RFX2: variants seen among roughly 807,000 people sequenced by gnomAD.
The protein encoded by RFX2 is regulatory factor X2, also known as DNA-binding protein RFX2.
Under a neutral mutation model 87.8 loss-of-function variants are expected in RFX2, and 20 were observed. The observed-to-expected ratio is 0.23, with a 90% confidence interval of 0.16 to 0.33. The LOEUF (loss-of-function observed/expected upper bound fraction) is 0.33. Among genes scored for constraint, RFX2 ranks in the 10% least tolerant of loss-of-function variants. The pLI is 1.00. For missense variants in RFX2, 767 were observed against 1,012.3 expected (o/e 0.76, Z 3.29); for synonymous variants, 397 against 431.3 (o/e 0.92, Z 0.98).
At chr19:6,082,279 G>A (rs1473488150) in intron 1 of RFX2, among the ~76,000 whole-genome samples, 1 of 126,162 alleles carries the variant, frequency 7.9e-6, no homozygotes, top group Non-Finnish European at 1.6e-5. Flanking sequence ...GGGCAACAGA[G>A]TAAGACCCTG....
At chr19:6,033,047 C>T (rs2086971010) in intron 5 of RFX2, among the ~76,000 whole-genome samples, 1 of 152,204 alleles carries the variant, frequency 6.6e-6, no homozygotes, top group African/African-American at 2.4e-5. Context: ...GCTTCCACCT[C>T]CCAAAGTGCT....
At chr19:6,087,863 G>C (rs2087875627) in intron 1 of RFX2, among the ~76,000 whole-genome samples, 1 of 152,136 alleles carries the variant, frequency 6.6e-6, no homozygotes, top group Non-Finnish European at 1.5e-5. Context: ...TGATACGAAG[G>C]TGATGGGTTA....
Position 6,101,452 on chromosome 19 carries a change from T to C in RFX2, c.-9+8941A>G, listed in dbSNP as rs1220039871. Among the ~76,000 whole-genome samples, 1 of 152,246 alleles carries C rather than the reference T, an allele frequency of 6.6e-6. No homozygotes were observed. The highest frequency in any genetic ancestry group is 1.5e-5 in the Non-Finnish European group (1 of 68,050). On this transcript the variant is annotated intron_variant, in intron 1 of 17. Transcript: ENST00000303657. The surrounding 1 kb of genome is among the most constrained non-coding windows in gnomAD (Gnocchi z 4.9). Reference sequence around the variant, plus strand: ...GCCCGCATACATTTTTGTGGGCTGGTAATTTTTTTGGAAACTGCTTCTAAG... The same window carrying C: ...GCCCGCATACATTTTTGTGGGCTGGCAATTTTTTTGGAAACTGCTTCTAAG...
chr19:6,009,032 A>G (rs528655686), intron 9 of RFX2, among the ~76,000 whole-genome samples: 4 of 152,218 alleles, frequency 2.6e-5, no homozygotes, highest in Non-Finnish European at 4.4e-5. Context: ...TGGAGAGGAT[A>G]TTGTCACCTC....
In RFX2 at chr19:6,110,081, C is replaced by A. The variant is rs1208978341; in HGVS notation, c.-9+312G>T. On this transcript the variant is annotated intron_variant, in intron 1 of 17. Coordinates refer to ENST00000303657, the MANE Select transcript of RFX2 (RefSeq NM_000635.4). This position sits in a 1 kb window ranked among gnomAD's most constrained non-coding sequence, Gnocchi z 4.3. ...CGTTCCCGGGGCGCCCCCAACTCAG[C>A]GAGTTTGAAGGTAAGCGTGAGAAAG... Among the ~76,000 whole-genome samples, 2 of 151,456 alleles carry A rather than the reference C, an allele frequency of 1.3e-5. No homozygotes were observed. The highest frequency in any genetic ancestry group is 2.9e-5 in the Non-Finnish European group (2 of 67,802).
chr19:6,046,248 C>T (rs991576687), intron 2 of RFX2, among the ~76,000 whole-genome samples: 16 of 152,180 alleles, frequency 1.1e-4, no homozygotes, highest in Non-Finnish European at 2.4e-4. Flanking sequence ...TATGTTCATT[C>T]AGGTGCTAGA....
At chr19:5,994,981 T>C in intron 17 of RFX2, 31 bp from the exon 18 acceptor site, 1 of 1,527,574 alleles carries the variant, frequency 6.5e-7, no homozygotes, top group Non-Finnish European at 9.0e-7. Flanking sequence ...TCAGTGTCCA[T>C]CATCAGGAGG....
At chr19:6,102,777 C>T (rs931828264) in intron 1 of RFX2, among the ~76,000 whole-genome samples, 3 of 152,212 alleles carry the variant, frequency 2.0e-5, no homozygotes, top group East Asian at 1.9e-4. Context: ...CCGCATCACA[C>T]GGCCTTGCTT....
At chr19:6,105,977 A>G (rs1318583452) in intron 1 of RFX2, among the ~76,000 whole-genome samples, 1 of 152,160 alleles carries the variant, frequency 6.6e-6, no homozygotes, top group Non-Finnish European at 1.5e-5. Flanking sequence ...TTTTCTGCAG[A>G]GAAGAGCTTA....
rs1192053706 is a variant in RFX2, at chr19:6,011,121, AAAAT to A, written c.900-874_900-871del. On this transcript the variant is annotated intron_variant, in intron 8 of 17. Coordinates refer to ENST00000303657, the MANE Select transcript of RFX2 (RefSeq NM_000635.4). This position sits in a 1 kb window ranked among gnomAD's most constrained non-coding sequence, Gnocchi z 4.8. ...ACAAAAGCGAAACTCGGTCTCAAAAAAAATAAATAAATTAATTAAAATAAAATAA... is the reference window on the plus strand; with the variant it reads ...ACAAAAGCGAAACTCGGTCTCAAAAAAAATAAATTAATTAAAATAAAATAA... 1.3e-5 allele frequency among the ~76,000 whole-genome samples: 2 copies of A among 150,694 alleles called. No individual in the cohort carries two copies. The highest frequency in any genetic ancestry group is 5.0e-5 in the African/African-American group (2 of 40,010).
chr19:6,024,810 ACGGGAG>A lies in RFX2; in HGVS notation c.597+1347_597+1352del, dbSNP rs2086864723. Reference sequence around the variant, plus strand: ...GAGTGAGGACGGGATCACGGTGAGGACGGGAGTGAGGACGGGATCACGGTGAGGACG... The same window carrying A: ...GAGTGAGGACGGGATCACGGTGAGGATGAGGACGGGATCACGGTGAGGACG... On this transcript the variant is annotated intron_variant, in intron 6 of 17. Coordinates refer to ENST00000303657, the MANE Select transcript of RFX2 (RefSeq NM_000635.4). The surrounding 1 kb of genome is among the most constrained non-coding windows in gnomAD (Gnocchi z 5.0). 8.4e-6 allele frequency among the ~76,000 whole-genome samples: 1 copy of A among 119,338 alleles called. No homozygotes were observed. The highest frequency in any genetic ancestry group is 3.7e-5 in the African/African-American group (1 of 26,986). The allele number at this position is 119,338 out of a possible 152,430, so 78.3% of individuals were successfully genotyped here. A position where few individuals can be genotyped will look rare whatever the true frequency, so the allele number is the denominator to read the frequency against.
rs201055892 is a variant in RFX2, at chr19:6,001,865, G to A, written c.1809C>T (p.Pro603=). ...ACTGCCGGGCGGCCTTGGGGAAGCT[G>A]GGGCTGCCGGCATGCTGCTTCAGGA... ...TQVLKQHAGS[P]SFPKAARQFL... The change falls in exon 15 of 18, where the codon CCC becomes CCT. Residue 603 remains proline (P), a synonymous_variant. Coordinates refer to ENST00000303657, the MANE Select transcript of RFX2 (RefSeq NM_000635.4). This position sits in a 1 kb window ranked among gnomAD's most constrained non-coding sequence, Gnocchi z 5.6. 8.1e-6 allele frequency: 13 copies of A among 1,613,172 alleles called. No homozygotes were observed. In the East Asian group the frequency reaches 1.3e-4, roughly 17 times the overall value.
Position 6,011,125 on chromosome 19 carries a change from TAAATA to T in RFX2, c.900-879_900-875del, listed in dbSNP as rs1012461838. 3.5e-5 allele frequency among the ~76,000 whole-genome samples: 5 copies of T among 143,994 alleles called. No homozygotes were observed. The highest frequency in any genetic ancestry group is 1.5e-4 in the African/African-American group (5 of 33,984). 94.5% of individuals were successfully genotyped at this position (143,994 alleles called of 152,430 possible). ...AAGCGAAACTCGGTCTCAAAAAAAA[TAAATA>T]AATTAATTAAAATAAAATAAAATAA... On this transcript the variant is annotated intron_variant, in intron 8 of 17. Transcript: ENST00000303657. This position sits in a 1 kb window ranked among gnomAD's most constrained non-coding sequence, Gnocchi z 4.8.
chr19:6,000,230 C>T (rs1430719430), intron 15 of RFX2, among the ~76,000 whole-genome samples: 1 of 152,222 alleles, frequency 6.6e-6, no homozygotes, highest in African/African-American at 2.4e-5. Context: ...AGTGATCCAC[C>T]TGCCTCAGCC....
chr19:6,099,259 G>A (rs1347870623), intron 1 of RFX2, among the ~76,000 whole-genome samples: 2 of 152,124 alleles, frequency 1.3e-5, no homozygotes, highest in Non-Finnish European at 2.9e-5. Flanking sequence ...TGTGTACTCA[G>A]CTCCTAGCAA....
In RFX2 at chr19:6,016,035, C is replaced by T; in HGVS notation, c.779+55G>A. The T allele has an allele frequency of 2.0e-6, 3 of 1,492,872 alleles. No individual in the cohort carries two copies. The highest frequency in any genetic ancestry group is 2.7e-6 in the Non-Finnish European group (3 of 1,108,562). The allele number at this position is 1,492,872 out of a possible 1,614,324, so 92.5% of individuals were successfully genotyped here. A position where few individuals can be genotyped will look rare whatever the true frequency, so the allele number is the denominator to read the frequency against. ...GAAGCCTCGCATTTTCCCAAAAGCTCCATTTCTTGGGAAAGGAAGAGGAAG... is the reference window on the plus strand; with the variant it reads ...GAAGCCTCGCATTTTCCCAAAAGCTTCATTTCTTGGGAAAGGAAGAGGAAG... On this transcript the variant is annotated intron_variant, in intron 7 of 17. Transcript: ENST00000303657. This position sits in a 1 kb window ranked among gnomAD's most constrained non-coding sequence, Gnocchi z 5.4.
At chr19:6,100,026 TAGAGAC>T (rs1749465084) in intron 1 of RFX2, among the ~76,000 whole-genome samples, 2 of 152,186 alleles carry the variant, frequency 1.3e-5, no homozygotes, top group South Asian at 4.1e-4. Context: ...AGTGCCAGGG[TAGAGAC>T]TCAGCTCTAG....
rs190766007 is a variant in RFX2 at position 6,047,189 on chromosome 19, A to C, written c.90+218T>G. On this transcript the variant is annotated intron_variant, in intron 2 of 17. Coordinates refer to ENST00000303657, the MANE Select transcript of RFX2 (RefSeq NM_000635.4). This position sits in a 1 kb window ranked among gnomAD's most constrained non-coding sequence, Gnocchi z 4.2. ...TGGGAGAGTGGTTTCTTTTCCATTCATGTCATTGTTTCCTTGATGGGATCT... is the reference window on the plus strand; with the variant it reads ...TGGGAGAGTGGTTTCTTTTCCATTCCTGTCATTGTTTCCTTGATGGGATCT... 3.3e-3 allele frequency among the ~76,000 whole-genome samples: 503 copies of C among 152,328 alleles called. 1 individual carries two copies. Among genetic ancestry groups the C allele is most frequent in the Non-Finnish European group, 6.2e-3 (421 of 68,022 alleles).
intron 1 of RFX2, among the ~76,000 whole-genome samples, chr19:6,082,661 G>C (rs1371330138): frequency 6.6e-6 from 1 of 152,148 alleles, no homozygotes; most frequent in East Asian, 1.9e-4. Context: ...TTGAACTCCA[G>C]GGCTCATGGG....
Sources: allele counts gnomAD v4.1 joint callset (sites outside exome capture counted in the v4.1 genomes callset), GRCh38; gene constraint gnomAD v4.1.1; non-coding constraint Gnocchi (gnomAD v3.1); transcripts MANE v1.5; gene names NCBI Gene and HGNC (gene_info 2026-07-23, HGNC 2026-07-21).